Variants in HECW2 observed in about 807,000 individuals in gnomAD.
HECW2 encodes HECT, C2 and WW domain containing E3 ubiquitin protein ligase 2.
In HECW2, 61 loss-of-function variants were observed where a neutral mutation model predicts 175.2. That is an observed-to-expected ratio of 0.35 (90% confidence interval 0.28 to 0.43). HECW2 has a LOEUF of 0.43. Among genes scored for constraint, HECW2 ranks in the 20% least tolerant of loss-of-function variants. The pLI, the probability that HECW2 is intolerant of heterozygous loss-of-function variation, is 1.00. For synonymous variants in HECW2, 671 were observed against 731.0 expected, an observed-to-expected ratio of 0.92 and a Z score of 1.32; for missense variants, 1,524 against 2,000.5, an observed-to-expected ratio of 0.76 and a Z score of 4.54.
chr2:196,467,709 T>C (rs1008257153), intron 1 of HECW2, among the ~76,000 whole-genome samples: 1 of 152,172 alleles, frequency 6.6e-6, no homozygotes, highest in Non-Finnish European at 1.5e-5. Context: ...TATCACAACA[T>C]AAAAGCAGGA....
chr2:196,559,516 C>G (rs1689925341), intron 1 of HECW2, among the ~76,000 whole-genome samples: 1 of 152,158 alleles, frequency 6.6e-6, no homozygotes, highest in Non-Finnish European at 1.5e-5. Context: ...GATTACTGCT[C>G]ATAGGGTTAT....
chr2:196,277,686 C>T (rs1291981379), intron 15 of HECW2, among the ~76,000 whole-genome samples: 1 of 152,096 alleles, frequency 6.6e-6, no homozygotes, highest in African/African-American at 2.4e-5. Context: ...CGTATGTTTA[C>T]TGTGGCACTA....
At position 196,556,296 on chromosome 2, in the gene HECW2, T is replaced by C. The variant is rs112977017; in HGVS notation, c.-36+37212A>G. The stretch of plus-strand genomic sequence containing the variant: ...ATCACCTCACATAATTACCTTGATT[T>C]TGTGGCGAGAATATGTAAGATCTAT... On this transcript the variant is annotated intron_variant, in intron 1 of 28. Transcript: ENST00000644978. Among the ~76,000 whole-genome samples, 444 of 152,322 alleles carry C rather than the reference T, an allele frequency of 2.9e-3. 1 individual carries two copies. Among genetic ancestry groups the C allele is most frequent in the African/African-American group, 0.01 (420 of 41,584 alleles).
At chr2:196,375,177 A>G (rs1441990549) in intron 2 of HECW2, among the ~76,000 whole-genome samples, 1 of 151,784 alleles carries the variant, frequency 6.6e-6, no homozygotes, top group African/African-American at 2.4e-5. Flanking sequence ...AAAAGAAAGA[A>G]AAAAAAGAAA....
chr2:196,527,205 A>G (rs1360611711), intron 1 of HECW2, among the ~76,000 whole-genome samples: 2 of 152,222 alleles, frequency 1.3e-5, no homozygotes, highest in Admixed American at 6.5e-5. Flanking sequence ...AGCTGGTCTG[A>G]AAAGCGCAAT....
intron 1 of HECW2, among the ~76,000 whole-genome samples, chr2:196,591,977 T>A (rs563642070): frequency 6.6e-6 from 1 of 152,120 alleles, no homozygotes; most frequent in Non-Finnish European, 1.5e-5. Context: ...AAAAGCTCTC[T>A]CAAAGCAACA....
In HECW2 at chr2:196,341,354, A is replaced by G. The variant is rs141255915; in HGVS notation, c.400+2303T>C. Among the ~76,000 whole-genome samples, 46 of 147,882 alleles carry G rather than the reference A, an allele frequency of 3.1e-4. 1 individual carries two copies. In the East Asian group the frequency reaches 7.9e-3, roughly 25 times the overall value. ...GTTCAGTTGGCAATATTTCTCAGCT[A>G]GATCAGCCTTTTAAACACCAGGATC... On this transcript the variant is annotated intron_variant, in intron 3 of 28. Coordinates refer to ENST00000644978, the MANE Select transcript of HECW2 (RefSeq NM_001348768.2).
chr2:196,427,224 C>T (rs1053372866), intron 2 of HECW2, among the ~76,000 whole-genome samples: 1 of 152,136 alleles, frequency 6.6e-6, no homozygotes, highest in Non-Finnish European at 1.5e-5. Flanking sequence ...TATCTGTTCA[C>T]AGATCAGTAA....
chr2:196,517,368 T>C (rs1037464183), intron 1 of HECW2, among the ~76,000 whole-genome samples: 6 of 152,188 alleles, frequency 3.9e-5, no homozygotes, highest in African/African-American at 1.2e-4. Flanking sequence ...CAAACTAAAT[T>C]ACCATACAAT....
chr2:196,543,315 TAA>T (rs879323125), intron 1 of HECW2, among the ~76,000 whole-genome samples: 2 of 143,530 alleles, frequency 1.4e-5, no homozygotes, highest in African/African-American at 2.5e-5. Context: ...TTGTTTTTGG[TAA>T]AAAAAAAAAA....
intron 1 of HECW2, among the ~76,000 whole-genome samples, chr2:196,578,465 C>T (rs950824960): frequency 2.6e-5 from 4 of 152,200 alleles, no homozygotes; most frequent in Non-Finnish European, 5.9e-5. Flanking sequence ...AGTGGCCATA[C>T]ATTTCTTGAA....
intron 2 of HECW2, among the ~76,000 whole-genome samples, chr2:196,432,882 T>C (rs537887816): frequency 1.3e-5 from 2 of 152,356 alleles, no homozygotes; most frequent in African/African-American, 4.8e-5. Context: ...GAGAAAATAC[T>C]GTAACACCTG....
intron 2 of HECW2, among the ~76,000 whole-genome samples, chr2:196,394,931 A>C (rs1347992455): frequency 6.6e-6 from 1 of 152,200 alleles, no homozygotes. Context: ...TAAGATCAAG[A>C]CATCAGCAGA....
At chr2:196,247,912 C>T (rs1050500528) in intron 19 of HECW2, among the ~76,000 whole-genome samples, 4 of 152,138 alleles carry the variant, frequency 2.6e-5, no homozygotes, top group African/African-American at 7.2e-5. Flanking sequence ...ACAGCTCAGA[C>T]GCTCATCTCT....
At chr2:196,573,876 A>ACAAC (rs1690469328) in intron 1 of HECW2, among the ~76,000 whole-genome samples, 2 of 152,102 alleles carry the variant, frequency 1.3e-5, no homozygotes, top group Non-Finnish European at 2.9e-5. Context: ...ACAACAAAAA[A>ACAAC]AAAACAGTGA....
chr2:196,566,243 G>A (rs1261881185), intron 1 of HECW2, among the ~76,000 whole-genome samples: 1 of 149,568 alleles, frequency 6.7e-6, no homozygotes, highest in Non-Finnish European at 1.5e-5. Flanking sequence ...CAGTGTAAAT[G>A]GTTGTTCCAT....
At chr2:196,566,996 T>C (rs1690213194) in intron 1 of HECW2, among the ~76,000 whole-genome samples, 1 of 152,150 alleles carries the variant, frequency 6.6e-6, no homozygotes, top group East Asian at 1.9e-4. Flanking sequence ...TTTAGCTGGG[T>C]ACATGACCAT....
chr2:196,384,240 C>A (rs1367184494), intron 2 of HECW2, among the ~76,000 whole-genome samples: 1 of 151,482 alleles, frequency 6.6e-6, no homozygotes, highest in Non-Finnish European at 1.5e-5. Flanking sequence ...AACCTGGGGA[C>A]AAAAAAAATG....
chr2:196,310,768 T>TGTGTGTGTGTGTG, intron 10 of HECW2, among the ~76,000 whole-genome samples: 1 of 148,326 alleles, frequency 6.7e-6, no homozygotes, highest in Admixed American at 6.7e-5. Flanking sequence ...AGCAACGATT[T>TGTGTGTGTGTGTG]TGTGTGTGTG....
Sources: gnomAD v4.1 joint callset for allele counts (sites outside exome capture counted in the v4.1 genomes callset) on GRCh38, gnomAD v4.1.1 for gene constraint, MANE v1.5 for transcripts, NCBI Gene and HGNC (gene_info 2026-07-23, HGNC 2026-07-21) for gene names.